The following ANO3 variants were observed in gnomAD, a reference collection of about 807,000 sequenced individuals.
ANO3 encodes the protein anoctamin 3.
ANO3 carries 99 observed loss-of-function variants against 144.8 expected under a neutral mutation model. The observed-to-expected ratio is 0.68, with a 90% CI of 0.58 to 0.81. The LOEUF (loss-of-function observed/expected upper bound fraction) is 0.81. Ranked by LOEUF, ANO3 falls within the 30% of genes least tolerant of loss-of-function variation. The pLI is 0.00. For synonymous variants in ANO3, 414 were observed against 392.6 expected (o/e 1.05, Z -0.64); for missense variants, 905 against 1,202.2 (o/e 0.75, Z 3.66).
In ANO3 at chr11:26,300,187, C is replaced by T. The variant is rs575638700; in HGVS notation, c.155-9458C>T. Among the ~76,000 whole-genome samples, 8 of 151,974 alleles carry T rather than the reference C, an allele frequency of 5.3e-5. No individual in the cohort carries two copies. The South Asian group carries it at 1.7e-3, about 32-fold the overall frequency. On this transcript the variant is annotated intron_variant, in intron 1 of 27. Coordinates refer to the ANO3 transcript ENST00000672621. The stretch of plus-strand genomic sequence containing the variant: ...GTATGAGTATGGAGGAAGTGCGATG[C>T]CCATGCAAGCACGCACGCACACACA...
chr11:26,294,280 T>C (rs569790079), intron 1 of ANO3, among the ~76,000 whole-genome samples: 145 of 152,232 alleles, frequency 9.5e-4, no homozygotes, highest in Non-Finnish European at 1.9e-3. Flanking sequence ...GCCATTGAGC[T>C]ATTCTGGAGC....
chr11:26,280,325 T>G (rs545318018), intron 1 of ANO3, among the ~76,000 whole-genome samples: 1 of 152,116 alleles, frequency 6.6e-6, no homozygotes, highest in Admixed American at 6.5e-5. Flanking sequence ...AGGACAGAAC[T>G]AATAGGATAG....
At chr11:26,306,497 T>C (rs72876910), upstream of ANO3, among the ~76,000 whole-genome samples, 13,045 of 151,400 alleles carry the variant, frequency 0.086, 681 homozygotes, top group Non-Finnish European at 0.12. Flanking sequence ...AGACCTCGTC[T>C]CTACAAAAAA....
chr11:26,594,898 G>A (rs781028280), intron 14 of ANO3, among the ~76,000 whole-genome samples: 2 of 152,152 alleles, frequency 1.3e-5, no homozygotes, highest in Non-Finnish European at 2.9e-5. Flanking sequence ...CAGGGGGCCA[G>A]GTTTCTCCCC....
rs529969119 is a variant in ANO3 at position 26,350,676 on chromosome 11, G to A, written c.46+18355G>A. On this transcript the variant is annotated intron_variant, in intron 1 of 26. Coordinates refer to ENST00000256737, the MANE Select transcript of ANO3 (RefSeq NM_031418.4). ...ATGACTCAGTTGCAAAGAGTACAACGTTGTGATTTTTTTTCAGAAAATACA... is the reference window on the plus strand; with the variant it reads ...ATGACTCAGTTGCAAAGAGTACAACATTGTGATTTTTTTTCAGAAAATACA... 4.1e-4 allele frequency among the ~76,000 whole-genome samples: 62 copies of A among 151,958 alleles called. No homozygotes were observed. In the South Asian group the frequency reaches 0.012, roughly 30 times the overall value.
chr11:26,495,811 G>A (rs12291959), intron 4 of ANO3, among the ~76,000 whole-genome samples: 8,840 of 152,236 alleles, frequency 0.058, 512 homozygotes, highest in African/African-American at 0.15. Context: ...CCATCTTGGT[G>A]TGAAGGTTAT....
intron 1 of ANO3, among the ~76,000 whole-genome samples, chr11:26,244,982 T>C (rs918070399): frequency 1.6e-5 from 2 of 125,180 alleles, no homozygotes; most frequent in African/African-American, 5.8e-5. Flanking sequence ...CTGGTGTGTG[T>C]GTGTGTGTGT....
intron 1 of ANO3, among the ~76,000 whole-genome samples, chr11:26,359,876 A>ATGT: frequency 6.7e-6 from 1 of 149,498 alleles, no homozygotes; most frequent in African/African-American, 2.5e-5. Flanking sequence ...ATGTCAGACT[A>ATGT]GTGTGTGTGT....
chr11:26,583,615 C>T (rs890253307), intron 14 of ANO3, among the ~76,000 whole-genome samples: 2 of 152,148 alleles, frequency 1.3e-5, no homozygotes, highest in South Asian at 2.1e-4. Context: ...CCAAAAAGAC[C>T]GAGGAATTTT....
intron 1 of ANO3, among the ~76,000 whole-genome samples, chr11:26,420,866 AT>A (rs1434157308): frequency 2.0e-5 from 3 of 152,002 alleles, no homozygotes; most frequent in African/African-American, 7.2e-5. Flanking sequence ...AATGGGCATT[AT>A]TTTTTTCTTT....
chr11:26,553,313 CAG>C lies in ANO3; in HGVS notation c.1358_1359del (p.Arg453ThrfsTer16). 6.2e-7 allele frequency: 1 copy of C among 1,611,616 alleles called. No individual in the cohort carries two copies. Among genetic ancestry groups the C allele is most frequent in the Non-Finnish European group, 8.5e-7 (1 of 1,178,556 alleles). On this transcript the variant is annotated frameshift_variant, in exon 13 of 27. Coordinates refer to ENST00000256737, the MANE Select transcript of ANO3 (RefSeq NM_031418.4). LOFTEE classifies it high-confidence loss of function. Reference protein sequence around the residue: ...CPLCDKNCSLQRLNDSCIYAK... With the variant: ...CPLCDKNCSLXRLNDSCIYAK... ...TCTCTGTGACAAGAACTGCTCCCTG[CAG>C]AGACTCAACGACAGCTGTATCTATG...
intron 7 of ANO3, 63 bp from the exon 8 acceptor site, chr11:26,531,142 T>G (rs1849360530): frequency 6.3e-7 from 1 of 1,578,710 alleles, no homozygotes; most frequent in African/African-American, 1.4e-5. Context: ...TGAATTGTAG[T>G]GGAAGGTAGT....
chr11:26,367,150 A>G (rs1227180861), intron 1 of ANO3, among the ~76,000 whole-genome samples: 1 of 152,188 alleles, frequency 6.6e-6, no homozygotes, highest in Non-Finnish European at 1.5e-5. Flanking sequence ...AAACCATACA[A>G]ACCCTAGAAG....
At chr11:26,355,458 A>G (rs901313652) in intron 1 of ANO3, among the ~76,000 whole-genome samples, 3 of 151,114 alleles carry the variant, frequency 2.0e-5, no homozygotes, top group Middle Eastern at 3.4e-3. Flanking sequence ...ATTTCATTTC[A>G]CTTTCTTTTG....
chr11:26,416,761 C>A (rs1857600909), intron 1 of ANO3, among the ~76,000 whole-genome samples: 1 of 151,966 alleles, frequency 6.6e-6, no homozygotes, highest in African/African-American at 2.4e-5. Flanking sequence ...TGAAACTGAA[C>A]TCTACTTAAG....
intron 1 of ANO3, among the ~76,000 whole-genome samples, chr11:26,427,896 A>G (rs12273739): frequency 0.26 from 40,015 of 151,906 alleles, 6,044 homozygotes; most frequent in African/African-American, 0.42. Flanking sequence ...GAAAGCTCCT[A>G]ATAAAATCAT....
intron 24 of ANO3, among the ~76,000 whole-genome samples, chr11:26,649,082 CT>C (rs1162549120): frequency 6.6e-6 from 1 of 151,928 alleles, no homozygotes; most frequent in Admixed American, 6.6e-5. Context: ...GTAACTTTGC[CT>C]TTTTTTAAAA....
intron 1 of ANO3, among the ~76,000 whole-genome samples, chr11:26,267,184 GCA>G (rs373864169): frequency 1.6e-4 from 23 of 147,310 alleles, no homozygotes; most frequent in Middle Eastern, 3.6e-3. Flanking sequence ...ACGCACGCAC[GCA>G]CACACACACA....
intron 7 of ANO3, among the ~76,000 whole-genome samples, chr11:26,530,432 G>A (rs1590470756): frequency 6.6e-6 from 1 of 151,250 alleles, no homozygotes; most frequent in African/African-American, 2.4e-5. Context: ...AAAAAAGCAG[G>A]GATTAATATC....
Sources: gnomAD v4.1 joint callset for allele counts (sites outside exome capture counted in the v4.1 genomes callset) on GRCh38, gnomAD v4.1.1 for gene constraint, MANE v1.5 for transcripts, NCBI Gene and HGNC (gene_info 2026-07-23, HGNC 2026-07-21) for gene names.